The following FAM186A variants were observed in gnomAD, a reference collection of about 807,000 sequenced individuals.
The protein encoded by FAM186A is family with sequence similarity 186 member A.
A neutral mutation model predicts 216.8 loss-of-function variants in FAM186A; 163 were observed. That is an observed-to-expected ratio of 0.75 (90% CI 0.66 to 0.86). FAM186A has a LOEUF of 0.86. Among genes scored for constraint, FAM186A ranks in the 40% least tolerant of loss-of-function variants. The probability of loss-of-function intolerance (pLI) is 0.00; values close to 1 mark genes in which losing one functional copy is unlikely to be tolerated. For synonymous variants in FAM186A, 805 were observed against 1,025.3 expected (o/e 0.79, Z 4.10); for missense variants, 2,184 against 2,746.2 (o/e 0.80, Z 4.58).
At chr12:50,357,736 G>A (rs771661142) in intron 3 of FAM186A, among the ~76,000 whole-genome samples, 13 of 152,120 alleles carry the variant, frequency 8.5e-5, no homozygotes, top group East Asian at 1.9e-4. Flanking sequence ...TTGGAGTCGC[G>A]TCCATCCTCA....
chr12:50,333,831 C>G, intron 5 of FAM186A, 80 bp downstream of exon 5: 1 of 1,306,130 alleles, frequency 7.7e-7, no homozygotes, highest in African/African-American at 1.5e-5. Flanking sequence ...CATGGTGTCT[C>G]CAGGTAAATG....
chr12:50,337,551 G>C (rs1401444972), intron 4 of FAM186A, among the ~76,000 whole-genome samples: 1 of 150,286 alleles, frequency 6.7e-6, no homozygotes, highest in Non-Finnish European at 1.5e-5. Context: ...CGCCCACCTC[G>C]GTTCCCAAAG....
intron 4 of FAM186A, among the ~76,000 whole-genome samples, chr12:50,346,012 A>AAAT (rs1942807947): frequency 6.7e-6 from 1 of 149,674 alleles, no homozygotes; most frequent in Admixed American, 6.8e-5. Flanking sequence ...AAAAAAAAAA[A>AAAT]AATACAAAAG....
At chr12:50,343,809 G>A (rs911969894) in intron 4 of FAM186A, among the ~76,000 whole-genome samples, 4 of 152,126 alleles carry the variant, frequency 2.6e-5, no homozygotes, top group Non-Finnish European at 5.9e-5. Flanking sequence ...TAGTAGAGAC[G>A]GGGTTTCACT....
chr12:50,333,100 G>T, intron 5 of FAM186A, among the ~76,000 whole-genome samples: 1 of 152,060 alleles, frequency 6.6e-6, no homozygotes. Flanking sequence ...TGTTTGACTT[G>T]GATTAGGCTC....
chr12:50,383,353 T>A (rs911111327), intron 1 of FAM186A, among the ~76,000 whole-genome samples: 2 of 140,770 alleles, frequency 1.4e-5, no homozygotes, highest in Non-Finnish European at 3.1e-5. Flanking sequence ...TCCCAGCACT[T>A]TGGGAGGCGG....
At chr12:50,346,237 A>AGAAAGAAAGAAAGAAAGAAAG (rs1555215381) in intron 4 of FAM186A, among the ~76,000 whole-genome samples, 2 of 102,256 alleles carry the variant, frequency 2.0e-5, no homozygotes, top group African/African-American at 3.4e-5. Context: ...AAGAAAGAAA[A>AGAAAGAAAGAAAGAAAGAAAG]AAAGAAAGAA....
At chr12:50,369,097 A>G (rs1943117500) in intron 1 of FAM186A, among the ~76,000 whole-genome samples, 1 of 152,164 alleles carries the variant, frequency 6.6e-6, no homozygotes, top group African/African-American at 2.4e-5. Context: ...TAACACTTAT[A>G]AAACACTTAG....
intron 1 of FAM186A, among the ~76,000 whole-genome samples, chr12:50,388,899 A>C (rs1296685401): frequency 6.6e-6 from 1 of 151,552 alleles, no homozygotes; most frequent in African/African-American, 2.4e-5. Context: ...CCAAAAATAC[A>C]AAAATTAGCT....
intron 1 of FAM186A, among the ~76,000 whole-genome samples, chr12:50,390,698 CT>C (rs999936752): frequency 1.2e-4 from 18 of 152,270 alleles, no homozygotes; most frequent in African/African-American, 3.4e-4. Flanking sequence ...CTGTTAAGGT[CT>C]GAACTCTAGA....
chr12:50,333,574 A>C (rs1942677875), intron 5 of FAM186A, among the ~76,000 whole-genome samples: 1 of 152,040 alleles, frequency 6.6e-6, no homozygotes, highest in African/African-American at 2.4e-5. Flanking sequence ...CATTTGAAAG[A>C]TGGAGGCGGA....
intron 4 of FAM186A, among the ~76,000 whole-genome samples, chr12:50,335,244 A>C (rs1168964986): frequency 6.6e-6 from 1 of 152,218 alleles, no homozygotes; most frequent in Non-Finnish European, 1.5e-5. Flanking sequence ...TGTTAAGGGC[A>C]AGACTCCAAC....
At chr12:50,364,974 G>T (rs1420700737) in intron 1 of FAM186A, among the ~76,000 whole-genome samples, 1 of 143,940 alleles carries the variant, frequency 6.9e-6, no homozygotes, top group African/African-American at 2.6e-5. Context: ...GGAGGTAAAG[G>T]TTGCAGTGAG....
Position 50,354,991 on chromosome 12 carries a change from G to A in FAM186A, c.1841C>T (p.Ser614Leu). ...KIKGKKHHIS[S>L]GTITSKEEKT... ...TTCTTCTTTGCTTGTGATAGTTCCTGAAGAGATATGGTGTTTCTTTCCTTT... is the reference window on the plus strand; with the variant it reads ...TTCTTCTTTGCTTGTGATAGTTCCTAAAGAGATATGGTGTTTCTTTCCTTT... Residue 614 changes from serine (S) to leucine (L), a missense_variant, in exon 4 of 8, where the codon TCA becomes TTA. This residue lies in a region of FAM186A where 1,132 missense variants were observed against 1,263.4 expected (regional missense o/e 0.90). Coordinates refer to ENST00000327337, the MANE Select transcript of FAM186A (RefSeq NM_001145475.3). 8 of 1,551,120 alleles carry A rather than the reference G, an allele frequency of 5.2e-6. No individual in the cohort carries two copies. The highest frequency in any genetic ancestry group is 6.1e-6 in the Non-Finnish European group (7 of 1,146,940).
At chr12:50,365,887 T>A in intron 1 of FAM186A, 1 of 762,858 alleles carries the variant, frequency 1.3e-6, no homozygotes, top group South Asian at 1.3e-5. Flanking sequence ...AAGAAATATA[T>A]TATCTACATT....
chr12:50,345,287 A>G (rs943671545), intron 4 of FAM186A, among the ~76,000 whole-genome samples: 1 of 152,102 alleles, frequency 6.6e-6, no homozygotes. Flanking sequence ...AGCCTTGCTA[A>G]CATCTGTTAG....
chr12:50,331,619 T>A (rs1225980409), intron 6 of FAM186A, 51 bp downstream of exon 6: 11 of 1,491,058 alleles, frequency 7.4e-6, no homozygotes, highest in African/African-American at 5.7e-5. Context: ...GAAAAAAAAA[T>A]TAGGTCCCAC....
In FAM186A at chr12:50,350,359, T is replaced by A; in HGVS notation, c.6473A>T (p.Tyr2158Phe). The change falls in exon 4 of 8, where the codon TAC becomes TTC. Residue 2158 changes from tyrosine to phenylalanine, a missense_variant. Physicochemically the swap from Tyr to Phe is conservative, Grantham distance 22. Transcript: ENST00000327337. ...ATGCTGGATCAGCCTATAGGCAATG[T>A]ACTTGCGGAATAAGTATCCCAACTG... ...TVQLGYLFRK[Y>F]IAYRLIQHAR... 2.6e-6 allele frequency: 4 copies of A among 1,550,508 alleles called. No individual in the cohort carries two copies. The highest frequency in any genetic ancestry group is 3.5e-6 in the Non-Finnish European group (4 of 1,146,390).
intron 1 of FAM186A, chr12:50,365,633 C>T (rs1943079978): frequency 1.7e-6 from 1 of 585,000 alleles, no homozygotes; most frequent in African/African-American, 2.1e-5. Context: ...CCGCCATCTC[C>T]AAAGCCGGAG....
Sources: gnomAD v4.1 joint callset for allele counts (sites outside exome capture counted in the v4.1 genomes callset) on GRCh38, gnomAD v4.1.1 for gene constraint, gnomAD v4.1.1 regional missense constraint, MANE v1.5 for transcripts, NCBI Gene and HGNC (gene_info 2026-07-23, HGNC 2026-07-21) for gene names.